MSI1: variants seen among roughly 807,000 people sequenced by gnomAD.
MSI1 encodes the protein RNA-binding protein Musashi homolog 1.
MSI1 carries 15 observed loss-of-function variants against 54.4 expected under a neutral mutation model. That is an observed-to-expected ratio of 0.28 (90% confidence interval 0.18 to 0.42). The LOEUF is 0.42. MSI1 is among the 20% of genes least tolerant of loss of function. The pLI is 1.00. For missense variants in MSI1, 304 were observed against 506.0 expected (o/e 0.60, Z 3.83); for synonymous variants, 200 against 196.5 (o/e 1.02, Z -0.15).
At chr12:120,364,329 G>T (rs1003828104) in intron 5 of MSI1, among the ~76,000 whole-genome samples, 10 of 152,252 alleles carry the variant, frequency 6.6e-5, no homozygotes, top group Admixed American at 5.2e-4. Flanking sequence ...TGCCTGTAGC[G>T]CGGCCTTAGG....
intron 11 of MSI1, among the ~76,000 whole-genome samples, chr12:120,348,926 A>T (rs528461022): frequency 6.6e-6 from 1 of 151,830 alleles, no homozygotes; most frequent in Admixed American, 6.6e-5. Flanking sequence ...AAAATAAAAG[A>T]TAGGGTCTTG....
intron 4 of MSI1, among the ~76,000 whole-genome samples, chr12:120,366,405 T>C (rs980710512): frequency 1.2e-4 from 19 of 152,092 alleles, no homozygotes; most frequent in African/African-American, 4.6e-4. Flanking sequence ...AAATCACAAC[T>C]GCCCATTTCT....
rs1406819876 is a variant in MSI1 at position 120,342,361 on chromosome 12, G to A, written c.*766C>T. On this transcript the variant is annotated 3_prime_UTR_variant, in exon 15 of 15. Coordinates refer to ENST00000257552, the MANE Select transcript of MSI1 (RefSeq NM_002442.4). ...CAAGCTTACAGTAACGGTGTCTGAG[G>A]GGACAGAAACAGGGGAGGGGGGAGC... 1.3e-5 allele frequency: 2 copies of A among 152,860 alleles called. No homozygotes were observed. The highest frequency in any genetic ancestry group is 2.9e-5 in the Non-Finnish European group (2 of 68,296). 9.5% of individuals were successfully genotyped at this position (152,860 alleles called of 1,614,324 possible).
chr12:120,351,624 C>G (rs1874604374), intron 10 of MSI1, among the ~76,000 whole-genome samples: 1 of 151,910 alleles, frequency 6.6e-6, no homozygotes, highest in Non-Finnish European at 1.5e-5. Flanking sequence ...CACCTATACC[C>G]TGGGCACGGG....
chr12:120,352,243 G>C (rs1016089282), intron 10 of MSI1, among the ~76,000 whole-genome samples: 2 of 152,072 alleles, frequency 1.3e-5, no homozygotes, highest in African/African-American at 4.8e-5. Flanking sequence ...ATGGGCTCAA[G>C]CCATCCTCCC....
intron 14 of MSI1, among the ~76,000 whole-genome samples, chr12:120,344,594 C>T (rs990700432): frequency 3.3e-5 from 5 of 151,784 alleles, no homozygotes; most frequent in Non-Finnish European, 4.4e-5. Flanking sequence ...TTGTGGTCCC[C>T]GCTACTTGGG....
At chr12:120,340,304 G>A (rs958118948), downstream of MSI1, among the ~76,000 whole-genome samples, 9 of 152,124 alleles carry the variant, frequency 5.9e-5, no homozygotes, top group East Asian at 7.7e-4. Context: ...GGGTGGTTTC[G>A]AACACCTGAG....
At chr12:120,345,238 C>T (rs1264381976) in intron 14 of MSI1, among the ~76,000 whole-genome samples, 2 of 151,718 alleles carry the variant, frequency 1.3e-5, no homozygotes, top group East Asian at 1.9e-4. Context: ...CTTGCAGTCC[C>T]AGCTACTCGG....
chr12:120,367,943 C>T, intron 4 of MSI1, 65 bp downstream of exon 4: 1 of 1,493,946 alleles, frequency 6.7e-7, no homozygotes, highest in Non-Finnish European at 9.1e-7. Context: ...TGGGGAGAGT[C>T]CTGACCCTCT....
chr12:120,345,604 T>C lies in MSI1; in HGVS notation c.1076A>G (p.Asn359Ser). 5.6e-6 allele frequency: 9 copies of C among 1,611,570 alleles called. No homozygotes were observed. The highest frequency in any genetic ancestry group is 6.8e-6 in the Non-Finnish European group (8 of 1,178,596). Reference protein sequence around the residue: ...GGPLIATAFTNGYH With the variant: ...GGPLIATAFTSGYH ...CCGTCCCCTGCTTCAGTGGTACCCA[T>C]TGGTGAAGGCTGTGGCAATCAAAGG... Residue 359 changes from asparagine (N) to serine (S), a missense_variant, in exon 14 of 15, where the codon AAT becomes AGT. Around this residue, in one of 4 missense-constraint regions of MSI1, gnomAD observed 147 missense variants for 231.5 expected, o/e 0.64. Transcript: ENST00000257552.
intron 10 of MSI1, among the ~76,000 whole-genome samples, chr12:120,352,017 T>TAA (rs34535893): frequency 1.4e-4 from 17 of 125,476 alleles, no homozygotes; most frequent in African/African-American, 3.9e-4. Flanking sequence ...CCTTTTTATT[T>TAA]AAAAAAAAAA....
downstream of MSI1, among the ~76,000 whole-genome samples, chr12:120,339,927 C>A (rs1873610812): frequency 6.6e-6 from 1 of 151,032 alleles, no homozygotes; most frequent in Non-Finnish European, 1.5e-5. Context: ...TACAGGCCTG[C>A]ACCACCACAC....
In MSI1 at chr12:120,369,016, G is replaced by T; in HGVS notation, c.59+17C>A. Reference sequence around the variant, plus strand: ...GCCGGGGCGGGCGCGGGCCAAGCAGGCCGGGCCGGGCCGTACCAGGGGTCG... The same window carrying T: ...GCCGGGGCGGGCGCGGGCCAAGCAGTCCGGGCCGGGCCGTACCAGGGGTCG... On this transcript the variant is annotated intron_variant, in intron 1 of 14. Coordinates refer to ENST00000257552, the MANE Select transcript of MSI1 (RefSeq NM_002442.4). 1 of 1,054,622 alleles carries T rather than the reference G, an allele frequency of 9.5e-7. No homozygotes were observed. The highest frequency in any genetic ancestry group is 1.1e-6 in the Non-Finnish European group (1 of 875,388). The allele number at this position is 1,054,622 out of a possible 1,614,324, so 65.3% of individuals were successfully genotyped here. A position where few individuals can be genotyped will look rare whatever the true frequency, so the allele number is the denominator to read the frequency against.
chr12:120,355,996 G>A (rs781035609), intron 9 of MSI1, among the ~76,000 whole-genome samples: 5 of 151,934 alleles, frequency 3.3e-5, no homozygotes, highest in Non-Finnish European at 5.9e-5. Context: ...AGCTTCCTGG[G>A]GGGCCAAACT....
intron 12 of MSI1, 48 bp from the exon 13 acceptor site, chr12:120,346,370 C>A: frequency 1.4e-6 from 2 of 1,447,990 alleles, no homozygotes; most frequent in African/African-American, 1.4e-5. Context: ...CCCTCTGCCA[C>A]CCCACGGCAC....
At chr12:120,358,979 G>A in intron 7 of MSI1, 26 bp downstream of exon 7, 2 of 1,564,298 alleles carry the variant, frequency 1.3e-6, no homozygotes, top group African/African-American at 1.4e-5. Flanking sequence ...GGCCCAGCCT[G>A]GGAAGGGGGA....
At position 120,346,179 on chromosome 12, in the gene MSI1, C is replaced by T. The variant is rs1292211225; in HGVS notation, c.1003G>A (p.Ala335Thr). 6.3e-6 allele frequency: 10 copies of T among 1,598,216 alleles called. No individual in the cohort carries two copies. The highest frequency in any genetic ancestry group is 1.7e-4 in the Middle Eastern group (1 of 5,900). Residue 335 changes from alanine (A) to threonine (T), a missense_variant, in exon 13 of 15, where the codon GCC becomes ACC. Physicochemically the swap from Ala to Thr is moderately conservative, Grantham distance 58. This residue lies in a region of MSI1 where 147 missense variants were observed against 231.5 expected (regional missense o/e 0.64). Coordinates refer to ENST00000257552, the MANE Select transcript of MSI1 (RefSeq NM_002442.4). ...CCGGTGCTGGGGGCAGGGCTGGCGG[C>T]GCTGATGTAACTGCTGACCCCCGAG... Reference protein sequence around the residue: ...QDSGVSSYISAASPAPSTGFG... With the variant: ...QDSGVSSYISTASPAPSTGFG...
chr12:120,346,889 T>C (rs1227953242), intron 12 of MSI1, among the ~76,000 whole-genome samples: 1 of 152,012 alleles, frequency 6.6e-6, no homozygotes, highest in African/African-American at 2.4e-5. Context: ...TATTGCCTTT[T>C]TAATACCTGA....
At chr12:120,355,233 G>A (rs1487320839) in intron 9 of MSI1, among the ~76,000 whole-genome samples, 2 of 151,474 alleles carry the variant, frequency 1.3e-5, no homozygotes, top group African/African-American at 2.4e-5. Flanking sequence ...GTGAAACCCC[G>A]TCTCTACTAA....
Sources: gnomAD v4.1 joint callset for allele counts (sites outside exome capture counted in the v4.1 genomes callset) on GRCh38, gnomAD v4.1.1 for gene constraint, gnomAD v4.1.1 regional missense constraint, MANE v1.5 for transcripts, NCBI Gene and HGNC (gene_info 2026-07-23, HGNC 2026-07-21) for gene names.